The following LMTK2 variants were observed in gnomAD, a reference collection of about 807,000 sequenced individuals.
LMTK2 encodes serine/threonine-protein kinase LMTK2.
A neutral mutation model predicts 127.5 loss-of-function variants in LMTK2; 37 were observed. That is an observed-to-expected ratio of 0.29 (90% confidence interval 0.22 to 0.38). LMTK2 has a LOEUF of 0.38. Ranked by LOEUF, LMTK2 falls within the 10% of genes least tolerant of loss-of-function variation. The pLI, the probability that LMTK2 is intolerant of heterozygous loss-of-function variation, is 1.00. For missense variants in LMTK2, 1,694 were observed against 1,920.3 expected, an observed-to-expected ratio of 0.88 and a Z score of 2.20; for synonymous variants, 819 against 810.1, an observed-to-expected ratio of 1.01 and a Z score of -0.19.
At chr7:98,189,688 G>A (rs1797493163) in intron 9 of LMTK2, among the ~76,000 whole-genome samples, 2 of 152,176 alleles carry the variant, frequency 1.3e-5, no homozygotes. Context: ...TGGAGGAAAT[G>A]AGAGGCAGCT....
intron 7 of LMTK2, among the ~76,000 whole-genome samples, chr7:98,173,649 A>T (rs192604258): frequency 2.9e-4 from 44 of 152,310 alleles, no homozygotes; most frequent in Non-Finnish European, 5.9e-4. Context: ...TTTTCCTGTG[A>T]GTTTCAAGTT....
At chr7:98,111,626 T>C (rs1303841890) in intron 1 of LMTK2, among the ~76,000 whole-genome samples, 1 of 152,200 alleles carries the variant, frequency 6.6e-6, no homozygotes, top group Non-Finnish European at 1.5e-5. Flanking sequence ...CAAAGGGTTG[T>C]GGGGGGCACA....
chr7:98,175,016 G>A (rs1156568429), intron 7 of LMTK2, among the ~76,000 whole-genome samples: 1 of 152,170 alleles, frequency 6.6e-6, no homozygotes, highest in Non-Finnish European at 1.5e-5. Context: ...GCCACCCCAC[G>A]TGCCACGAGG....
chr7:98,133,350 T>C (rs1411654249), intron 1 of LMTK2, among the ~76,000 whole-genome samples: 1 of 152,186 alleles, frequency 6.6e-6, no homozygotes, highest in African/African-American at 2.4e-5. Context: ...TGTCAGGGAC[T>C]GGTTTCTAGT....
Position 98,107,117 on chromosome 7 carries a change from G to A in LMTK2, c.-61G>A, listed in dbSNP as rs2116304170. On this transcript the variant is annotated 5_prime_UTR_variant, in exon 1 of 14. Transcript: ENST00000297293. ...AGGGAGGCAGGATCGACTGACGGGCGAACGGACGGACGGACGGAAGGCGAC... is the reference window on the plus strand; with the variant it reads ...AGGGAGGCAGGATCGACTGACGGGCAAACGGACGGACGGACGGAAGGCGAC... The A allele has an allele frequency of 7.7e-7, 1 of 1,291,164 alleles. No homozygotes were observed. Among genetic ancestry groups the A allele is most frequent in the Non-Finnish European group, 1.0e-6 (1 of 992,800 alleles). 80.0% of individuals were successfully genotyped at this position (1,291,164 alleles called of 1,614,324 possible).
intron 1 of LMTK2, among the ~76,000 whole-genome samples, chr7:98,108,177 T>A (rs1796145987): frequency 6.6e-6 from 1 of 152,194 alleles, no homozygotes; most frequent in Non-Finnish European, 1.5e-5. Flanking sequence ...CAATTTCTTC[T>A]TTACGTAGTA....
intron 5 of LMTK2, among the ~76,000 whole-genome samples, chr7:98,156,476 A>C (rs76298320): frequency 0.011 from 1,690 of 152,182 alleles, 15 homozygotes; most frequent in South Asian, 0.027. Context: ...AAAAAAAAAA[A>C]AGCTGTAATG....
chr7:98,190,175 G>A (rs1003822295), intron 9 of LMTK2, among the ~76,000 whole-genome samples: 3 of 151,890 alleles, frequency 2.0e-5, no homozygotes, highest in Non-Finnish European at 4.4e-5. Flanking sequence ...TTTTTTCATT[G>A]GCCAAAACTT....
At chr7:98,143,890 A>T (rs538856698) in intron 3 of LMTK2, among the ~76,000 whole-genome samples, 1 of 152,194 alleles carries the variant, frequency 6.6e-6, no homozygotes, top group Non-Finnish European at 1.5e-5. Flanking sequence ...ATGTCTGTCA[A>T]TATGCAATTT....
intron 6 of LMTK2, among the ~76,000 whole-genome samples, chr7:98,170,872 G>A (rs999630877): frequency 2.6e-5 from 4 of 152,092 alleles, no homozygotes; most frequent in Non-Finnish European, 5.9e-5. Flanking sequence ...CCATGTGCTG[G>A]GCATCTGACT....
At position 98,194,634 on chromosome 7, in the gene LMTK2, G is replaced by A; in HGVS notation, c.4107+62G>A. The A allele has an allele frequency of 1.4e-6, 2 of 1,423,808 alleles. No individual in the cohort carries two copies. The highest frequency in any genetic ancestry group is 1.9e-6 in the Non-Finnish European group (2 of 1,063,124). The allele number at this position is 1,423,808 out of a possible 1,614,324, so 88.2% of individuals were successfully genotyped here. ...CATATAAGGATTCCAAAATGTGCTA[G>A]GAAATTGAGTGTGGTCTGTTTTCTA... On this transcript the variant is annotated intron_variant, in intron 11 of 13. Coordinates refer to ENST00000297293, the MANE Select transcript of LMTK2 (RefSeq NM_014916.4). The surrounding 1 kb of genome is among the most constrained non-coding windows in gnomAD (Gnocchi z 5.4).
intron 1 of LMTK2, among the ~76,000 whole-genome samples, chr7:98,107,682 T>C (rs1796134470): frequency 6.6e-6 from 1 of 152,240 alleles, no homozygotes; most frequent in African/African-American, 2.4e-5. Flanking sequence ...CATACTTAAA[T>C]GCAAATGACT....
chr7:98,173,260 A>T (rs1239102289), intron 7 of LMTK2, among the ~76,000 whole-genome samples: 2 of 151,888 alleles, frequency 1.3e-5, no homozygotes, highest in African/African-American at 4.8e-5. Flanking sequence ...TTACACATTT[A>T]TATCTTGTTT....
intron 3 of LMTK2, among the ~76,000 whole-genome samples, chr7:98,143,914 CA>C (rs1796732795): frequency 6.6e-6 from 1 of 152,090 alleles, no homozygotes; most frequent in African/African-American, 2.4e-5. Flanking sequence ...AAATTATAGT[CA>C]ATCAATACAG....
At chr7:98,152,332 C>T (rs1028714503) in intron 4 of LMTK2, among the ~76,000 whole-genome samples, 4 of 152,176 alleles carry the variant, frequency 2.6e-5, no homozygotes, top group Non-Finnish European at 5.9e-5. Flanking sequence ...GGGATTACAT[C>T]GTAAGCAGGA....
At chr7:98,176,520 T>A (rs994589962) in intron 7 of LMTK2, among the ~76,000 whole-genome samples, 1 of 147,362 alleles carries the variant, frequency 6.8e-6, no homozygotes, top group African/African-American at 2.5e-5. Flanking sequence ...TTAAAAATAA[T>A]AGGCCCAAGA....
rs192165873 is a variant in LMTK2, at chr7:98,154,397, T to A, written c.451-361T>A. On this transcript the variant is annotated intron_variant, in intron 4 of 13. Transcript: ENST00000297293. ...GAAGTGTTTTTGAGGAACATTTGAGTTATGTTGGAACTGAACTTATAAATT... is the reference window on the plus strand; with the variant it reads ...GAAGTGTTTTTGAGGAACATTTGAGATATGTTGGAACTGAACTTATAAATT... Among the ~76,000 whole-genome samples the A allele has an allele frequency of 2.0e-5, 3 of 152,322 alleles. No homozygotes were observed. In the East Asian group the frequency reaches 5.8e-4, roughly 29 times the overall value.
At chr7:98,164,419 A>G (rs896664369) in intron 6 of LMTK2, among the ~76,000 whole-genome samples, 3 of 152,056 alleles carry the variant, frequency 2.0e-5, no homozygotes, top group Non-Finnish European at 4.4e-5. Flanking sequence ...TCATTCTGCC[A>G]CTCACTGGTT....
chr7:98,189,616 G>A (rs1797491862), intron 9 of LMTK2, among the ~76,000 whole-genome samples: 1 of 152,184 alleles, frequency 6.6e-6, no homozygotes, highest in African/African-American at 2.4e-5. Flanking sequence ...GAACATTGCA[G>A]TAAATAGACA....
Sources: gnomAD v4.1 joint callset for allele counts (sites outside exome capture counted in the v4.1 genomes callset) on GRCh38, gnomAD v4.1.1 for gene constraint, Gnocchi (gnomAD v3.1) non-coding constraint, MANE v1.5 for transcripts, NCBI Gene and HGNC (gene_info 2026-07-23, HGNC 2026-07-21) for gene names.